Variants in ARPC1A observed in about 807,000 individuals in gnomAD.
The protein encoded by ARPC1A is actin-related protein 2/3 complex subunit 1A.
ARPC1A carries 8 observed loss-of-function variants against 46.9 expected under a neutral mutation model. The ratio of observed to expected loss-of-function variants is 0.17; its 90% CI spans 0.10 to 0.31. The LOEUF (loss-of-function observed/expected upper bound fraction) is 0.31, where lower values mean the gene tolerates loss of function less well. ARPC1A is among the 10% of genes least tolerant of loss of function. The pLI, the probability that ARPC1A is intolerant of heterozygous loss-of-function variation, is 1.00. For missense variants in ARPC1A, 286 were observed against 483.6 expected (o/e 0.59, Z 3.83); for synonymous variants, 152 against 169.0 (o/e 0.90, Z 0.78).
chr7:99,337,481 C>G (rs1048220230), intron 2 of ARPC1A, among the ~76,000 whole-genome samples: 5 of 152,120 alleles, frequency 3.3e-5, no homozygotes, highest in African/African-American at 1.2e-4. Flanking sequence ...TGCGTTTGAG[C>G]ATGACCTTTT....
intron 1 of ARPC1A, among the ~76,000 whole-genome samples, chr7:99,329,412 T>TA (rs1785378811): frequency 6.6e-6 from 1 of 151,916 alleles, no homozygotes; most frequent in African/African-American, 2.4e-5. Flanking sequence ...AGATTTCACT[T>TA]AAACATTAAC....
At position 99,365,972 on chromosome 7, in the gene ARPC1A, G is replaced by T; in HGVS notation, c.*43G>T. 2 of 1,549,898 alleles carry T rather than the reference G, an allele frequency of 1.3e-6. No homozygotes were observed. The highest frequency in any genetic ancestry group is 1.2e-5 in the South Asian group (1 of 84,496). On this transcript the variant is annotated 3_prime_UTR_variant, in exon 10 of 10. Coordinates refer to ENST00000262942, the MANE Select transcript of ARPC1A (RefSeq NM_006409.4). ...CCATCCAGCATGACAAACTGTGGCC[G>T]ACCGCAGCTGTGCCGTGGCACGATG...
rs1377557222 is a variant in ARPC1A, at chr7:99,353,699, G to A, written c.501-210G>A. ...TCTCCATGTTGGTCAGGCTGGTCTC[G>A]AACTCCCGACCTCAGGTGATCCACC... On this transcript the variant is annotated intron_variant, in intron 5 of 9. Transcript: ENST00000262942. Among the ~76,000 whole-genome samples, 7 of 149,230 alleles carry A rather than the reference G, an allele frequency of 4.7e-5. No homozygotes were observed. In the East Asian group the frequency reaches 1.2e-3, roughly 26 times the overall value.
intron 2 of ARPC1A, chr7:99,335,481 G>A (rs1442042099): frequency 2.6e-6 from 1 of 383,918 alleles, no homozygotes; most frequent in Non-Finnish European, 5.1e-6. Context: ...ACTATAGCTT[G>A]GTGGTAAGTT....
intron 3 of ARPC1A, among the ~76,000 whole-genome samples, chr7:99,341,411 C>G (rs1395958183): frequency 6.6e-6 from 1 of 151,986 alleles, no homozygotes; most frequent in East Asian, 1.9e-4. Flanking sequence ...AGTTCGAGAC[C>G]AGCGTGACCA....
At chr7:99,359,888 A>G in intron 8 of ARPC1A, 150 bp downstream of exon 8, 1 of 903,028 alleles carries the variant, frequency 1.1e-6, no homozygotes, top group Non-Finnish European at 1.7e-6. Context: ...TATCTTCCCG[A>G]CCGCCAGGCT....
At chr7:99,349,741 G>A (rs1396413721) in intron 5 of ARPC1A, among the ~76,000 whole-genome samples, 1 of 152,168 alleles carries the variant, frequency 6.6e-6, no homozygotes, top group East Asian at 1.9e-4. Flanking sequence ...TCGGGAGGCT[G>A]AGGCAGGAGA....
In ARPC1A at chr7:99,344,495, C is replaced by T. The variant is rs1468050823; in HGVS notation, c.372C>T (p.Tyr124=). 1.9e-6 allele frequency: 3 copies of T among 1,613,952 alleles called. No homozygotes were observed. The highest frequency in any genetic ancestry group is 3.3e-5 in the Admixed American group (2 of 59,996). Residue 124 remains tyrosine (Y), a synonymous_variant, in exon 4 of 10, where the codon TAC becomes TAT. Coordinates refer to ENST00000262942, the MANE Select transcript of ARPC1A (RefSeq NM_006409.4). The part of the protein sequence containing the change: ...GSGARLISVC[Y]FESENDWWVS... ...GAGCACGACTCATTTCTGTTTGTTA[C>T]TTTGAGTCTGAAAATGACTGGTGAG...
chr7:99,346,678 T>TA (rs1183236766), intron 4 of ARPC1A, among the ~76,000 whole-genome samples: 1 of 152,068 alleles, frequency 6.6e-6, no homozygotes, highest in Non-Finnish European at 1.5e-5. Flanking sequence ...TTTCCTTAAT[T>TA]AAAAAAATTA....
chr7:99,328,984 G>T (rs955585387), intron 1 of ARPC1A, among the ~76,000 whole-genome samples: 5 of 151,432 alleles, frequency 3.3e-5, no homozygotes, highest in African/African-American at 1.2e-4. Context: ...AAAGGGATGA[G>T]GGGGGAGGGA....
intron 5 of ARPC1A, among the ~76,000 whole-genome samples, chr7:99,353,619 A>G (rs1433112350): frequency 6.6e-6 from 1 of 151,932 alleles, no homozygotes; most frequent in Non-Finnish European, 1.5e-5. Context: ...TTGGGATTAC[A>G]GGCATGCGCC....
Position 99,366,100 on chromosome 7 carries a change from G to A in ARPC1A, c.*171G>A. 3 of 782,022 alleles carry A rather than the reference G, an allele frequency of 3.8e-6. No individual in the cohort carries two copies. Among genetic ancestry groups the A allele is most frequent in the South Asian group, 3.8e-5 (2 of 52,246 alleles). The allele number at this position is 782,022 out of a possible 1,614,324, so 48.4% of individuals were successfully genotyped here. A position where few individuals can be genotyped will look rare whatever the true frequency, so the allele number is the denominator to read the frequency against. ...TGGTGAAAGTGTTGGTTTTTTTAAG[G>A]CAGTAATTTTTTTGTTTGTTTTTTT... On this transcript the variant is annotated 3_prime_UTR_variant, in exon 10 of 10. Transcript: ENST00000262942.
In ARPC1A at chr7:99,335,894, C is replaced by T. The variant is rs538701917; in HGVS notation, c.65-2287C>T. ...GCGTGAACCTGGGAGGCGGAGCTTG[C>T]AGTGAGCCGAGATTGTGCCACCGCA... On this transcript the variant is annotated intron_variant, in intron 2 of 9. Coordinates refer to ENST00000262942, the MANE Select transcript of ARPC1A (RefSeq NM_006409.4). Among the ~76,000 whole-genome samples the T allele has an allele frequency of 3.3e-5, 5 of 151,730 alleles. No homozygotes were observed. In the South Asian group the frequency reaches 1.0e-3, roughly 32 times the overall value.
intron 3 of ARPC1A, 125 bp downstream of exon 3, chr7:99,338,410 G>A (rs1793295056): frequency 3.5e-6 from 2 of 574,290 alleles, no homozygotes; most frequent in Non-Finnish European, 5.3e-6. Context: ...TTTTGAGAAG[G>A]AGTATCACTC....
At chr7:99,338,854 G>A (rs753100675) in intron 3 of ARPC1A, among the ~76,000 whole-genome samples, 11 of 152,152 alleles carry the variant, frequency 7.2e-5, no homozygotes, top group African/African-American at 9.7e-5. Context: ...GCTAAAATTA[G>A]GAGATGAGAC....
intron 3 of ARPC1A, among the ~76,000 whole-genome samples, chr7:99,338,646 T>C (rs1158646213): frequency 6.6e-6 from 1 of 151,914 alleles, no homozygotes; most frequent in African/African-American, 2.4e-5. Flanking sequence ...GGCCTCCCAA[T>C]GTGCTGGGAT....
At chr7:99,352,655 TA>T (rs59352040) in intron 5 of ARPC1A, among the ~76,000 whole-genome samples, 2,117 of 135,762 alleles carry the variant, frequency 0.016, 17 homozygotes, top group African/African-American at 0.037. Context: ...CCCCGTCTCT[TA>T]AAAAAAAAAA....
intron 3 of ARPC1A, among the ~76,000 whole-genome samples, chr7:99,338,533 G>A (rs535992478): frequency 2.6e-5 from 4 of 151,646 alleles, no homozygotes; most frequent in East Asian, 3.9e-4. Context: ...TTACAGGCAC[G>A]CGCCACTATG....
intron 1 of ARPC1A, among the ~76,000 whole-genome samples, chr7:99,327,205 T>TC (rs1179989156): frequency 6.6e-6 from 1 of 151,806 alleles, no homozygotes; most frequent in Admixed American, 6.6e-5. Flanking sequence ...TTTTTTTTTT[T>TC]CCTGCAGCCT....
Sources: allele counts gnomAD v4.1 joint callset (sites outside exome capture counted in the v4.1 genomes callset), GRCh38; gene constraint gnomAD v4.1.1; transcripts MANE v1.5; gene names NCBI Gene and HGNC (gene_info 2026-07-23, HGNC 2026-07-21).